PPP2R5C: variants seen among roughly 807,000 people sequenced by gnomAD.
The protein encoded by PPP2R5C is serine/threonine-protein phosphatase 2A 56 kDa regulatory subunit gamma isoform.
PPP2R5C carries 7 observed loss-of-function variants against 68.9 expected under a neutral mutation model. The observed-to-expected ratio is 0.10, with a 90% confidence interval of 0.06 to 0.19. PPP2R5C has a LOEUF of 0.19. PPP2R5C is among the 10% of genes least tolerant of loss of function. The pLI is 1.00. For missense variants in PPP2R5C, 348 were observed against 641.3 expected, an observed-to-expected ratio of 0.54 and a Z score of 4.94; for synonymous variants, 210 against 222.2, an observed-to-expected ratio of 0.95 and a Z score of 0.49.
At chr14:101,904,865 T>TG (rs918992920) in intron 9 of PPP2R5C, among the ~76,000 whole-genome samples, 2 of 152,230 alleles carry the variant, frequency 1.3e-5, no homozygotes, top group African/African-American at 4.8e-5. Flanking sequence ...CATGCTGTGA[T>TG]GGGGACAGGC....
intron 1 of PPP2R5C, 151 bp from the exon 4 acceptor site, chr14:101,856,535 T>G (rs370490422): frequency 1.4e-6 from 1 of 725,648 alleles, no homozygotes; most frequent in African/African-American, 1.8e-5. Flanking sequence ...CGTTTTATTT[T>G]CTTTAAGGAA....
intron 1 of PPP2R5C, chr14:101,817,918 C>T (rs1293039674): frequency 1.3e-5 from 2 of 152,246 alleles, no homozygotes; most frequent in African/African-American, 4.8e-5. Flanking sequence ...ACGTATGGTA[C>T]TCTAGGGCCC....
intron 5 of PPP2R5C, among the ~76,000 whole-genome samples, chr14:101,887,992 A>G (rs760230933): frequency 1.5e-4 from 23 of 152,190 alleles, no homozygotes; most frequent in Non-Finnish European, 1.3e-4. Context: ...GGAAGAAGGA[A>G]AAGAACTGTC....
chr14:101,794,510 C>T (rs1323418875), intron 3 of PPP2R5C, among the ~76,000 whole-genome samples: 1 of 152,186 alleles, frequency 6.6e-6, no homozygotes, highest in East Asian at 1.9e-4. Flanking sequence ...GCTGGGATTA[C>T]AGGCACGCAC....
At chr14:101,812,410 G>A (rs943703199) in intron 1 of PPP2R5C, among the ~76,000 whole-genome samples, 2 of 152,170 alleles carry the variant, frequency 1.3e-5, no homozygotes, top group African/African-American at 4.8e-5. Context: ...GGATGGGGTG[G>A]GCATGCGCTG....
In PPP2R5C at chr14:101,781,155, A is replaced by G. The variant is rs1432923363; in HGVS notation, c.94-4863A>G. 6.6e-6 allele frequency among the ~76,000 whole-genome samples: 1 copy of G among 152,038 alleles called. No individual in the cohort carries two copies. Among genetic ancestry groups the G allele is most frequent in the Non-Finnish European group, 1.5e-5 (1 of 67,994 alleles). ...TTATGGGACATCAGAGCAGGGAGGGAGCCGGGTGTCGGGGCTGCGGCAGGG... is the reference window on the plus strand; with the variant it reads ...TTATGGGACATCAGAGCAGGGAGGGGGCCGGGTGTCGGGGCTGCGGCAGGG... On this transcript the variant is annotated intron_variant, in intron 2 of 14. Coordinates refer to the PPP2R5C transcript ENST00000328724. The surrounding 1 kb of genome is among the most constrained non-coding windows in gnomAD (Gnocchi z 6.4).
At chr14:101,862,585 G>C (rs2042811328) in intron 2 of PPP2R5C, among the ~76,000 whole-genome samples, 1 of 152,144 alleles carries the variant, frequency 6.6e-6, no homozygotes, top group Non-Finnish European at 1.5e-5. Flanking sequence ...CTATTAGATA[G>C]ATACTCCTCC....
At chr14:101,924,322 T>C (rs1566976589) in intron 13 of PPP2R5C, among the ~76,000 whole-genome samples, 1 of 152,066 alleles carries the variant, frequency 6.6e-6, no homozygotes, top group African/African-American at 2.4e-5. Flanking sequence ...TTCCTAGACT[T>C]TAGAAAGACA....
At chr14:101,843,110 T>A (rs2041600542) in intron 1 of PPP2R5C, among the ~76,000 whole-genome samples, 1 of 152,074 alleles carries the variant, frequency 6.6e-6, no homozygotes, top group Non-Finnish European at 1.5e-5. Flanking sequence ...TGCCTGTGGT[T>A]CTAACTGCTT....
intron 1 of PPP2R5C, among the ~76,000 whole-genome samples, chr14:101,762,514 G>T (rs1234996792): frequency 6.6e-6 from 1 of 152,146 alleles, no homozygotes; most frequent in African/African-American, 2.4e-5. Flanking sequence ...CATTCGGGGG[G>T]GCGGGTATGT....
intron 11 of PPP2R5C, among the ~76,000 whole-genome samples, chr14:101,910,224 C>T (rs775906815): frequency 5.9e-5 from 9 of 152,172 alleles, no homozygotes; most frequent in African/African-American, 1.2e-4. Flanking sequence ...CAAAGTACTT[C>T]GTCCCTAGGC....
chr14:101,833,351 G>A (rs1367989243), intron 1 of PPP2R5C: 1 of 152,300 alleles, frequency 6.6e-6, no homozygotes, highest in African/African-American at 2.4e-5. Flanking sequence ...TGCCTGATAT[G>A]TCTTGGCCAG....
intron 9 of PPP2R5C, among the ~76,000 whole-genome samples, chr14:101,905,112 G>A (rs1423009885): frequency 1.3e-5 from 2 of 152,236 alleles, no homozygotes; most frequent in African/African-American, 4.8e-5. Flanking sequence ...CCAGCACTTT[G>A]GGAGGCCAAG....
intron 11 of PPP2R5C, among the ~76,000 whole-genome samples, chr14:101,911,315 A>G (rs550442367): frequency 7.2e-5 from 11 of 152,136 alleles, no homozygotes; most frequent in Non-Finnish European, 1.3e-4. Context: ...TATTCTGGGT[A>G]GTGTGGGGAA....
intron 5 of PPP2R5C, among the ~76,000 whole-genome samples, chr14:101,885,084 C>T (rs2044407520): frequency 6.6e-6 from 1 of 152,286 alleles, no homozygotes; most frequent in East Asian, 1.9e-4. Context: ...GGTATGATGG[C>T]GTGTCTCTGT....
At chr14:101,925,171 C>T in exon 14 of PPP2R5C, 1 of 1,614,158 alleles carries the variant, frequency 6.2e-7, no homozygotes, top group Non-Finnish European at 8.5e-7. Flanking sequence ...GGACCGTCCT[C>T]TTGCACGCCG....
chr14:101,837,446 C>T (rs556837219), intron 1 of PPP2R5C, among the ~76,000 whole-genome samples: 2 of 152,262 alleles, frequency 1.3e-5, no homozygotes, highest in South Asian at 4.1e-4. Context: ...CGTGCCCGAC[C>T]CTCATGGTAT....
chr14:101,806,199 G>A (rs1036530317), upstream of PPP2R5C, among the ~76,000 whole-genome samples: 11 of 152,074 alleles, frequency 7.2e-5, no homozygotes, highest in Non-Finnish European at 1.3e-4. Flanking sequence ...CTATCAACCC[G>A]TCATCTAGGT....
chr14:101,892,939 G>T (rs1399381674), intron 6 of PPP2R5C, 61 bp from the exon 9 acceptor site: 25 of 1,267,378 alleles, frequency 2.0e-5, no homozygotes, highest in Non-Finnish European at 2.7e-5. Flanking sequence ...AAGACGGCAA[G>T]ATATTTGTTT....
Sources: allele counts gnomAD v4.1 joint callset (sites outside exome capture counted in the v4.1 genomes callset), GRCh38; gene constraint gnomAD v4.1.1; non-coding constraint Gnocchi (gnomAD v3.1); transcripts MANE v1.5; gene names NCBI Gene and HGNC (gene_info 2026-07-23, HGNC 2026-07-21).